BMP7: variants seen among roughly 807,000 people sequenced by gnomAD.
BMP7 encodes osteogenic protein 1.
A neutral mutation model predicts 41.2 loss-of-function variants in BMP7; 12 were observed. The observed-to-expected ratio is 0.29, with a 90% CI of 0.19 to 0.47. The LOEUF is 0.47. BMP7 is among the 20% of genes least tolerant of loss of function. The pLI is 0.99. For missense variants in BMP7, 467 were observed against 606.0 expected, an observed-to-expected ratio of 0.77 and a Z score of 2.41; for synonymous variants, 248 against 250.0, an observed-to-expected ratio of 0.99 and a Z score of 0.07.
intron 1 of BMP7, among the ~76,000 whole-genome samples, chr20:57,243,348 G>A (rs1358956496): frequency 6.6e-6 from 1 of 151,058 alleles, no homozygotes; most frequent in Non-Finnish European, 1.5e-5. Flanking sequence ...GCGTGGTGGT[G>A]CATTCCTGTT....
At chr20:57,238,832 C>A (rs916642561) in intron 1 of BMP7, among the ~76,000 whole-genome samples, 1 of 152,118 alleles carries the variant, frequency 6.6e-6, no homozygotes, top group Admixed American at 6.5e-5. Context: ...AAAGCTGAAA[C>A]CCCTGATAAA....
intron 1 of BMP7, among the ~76,000 whole-genome samples, chr20:57,240,314 G>A (rs1282346539): frequency 6.6e-6 from 1 of 152,172 alleles, no homozygotes; most frequent in Non-Finnish European, 1.5e-5. Flanking sequence ...AACATAACAA[G>A]AGTCACCTTT....
chr20:57,256,457 G>T (rs557745821), intron 1 of BMP7, among the ~76,000 whole-genome samples: 1 of 152,192 alleles, frequency 6.6e-6, no homozygotes, highest in African/African-American at 2.4e-5. Flanking sequence ...CAGTGGTATC[G>T]TCATCTCCTT....
In BMP7 at chr20:57,228,123, G is replaced by C; in HGVS notation, c.611+106C>G. The C allele has an allele frequency of 8.0e-7, 1 of 1,253,728 alleles. No homozygotes were observed. The highest frequency in any genetic ancestry group is 1.7e-5 in the Admixed American group (1 of 59,508). 77.7% of individuals were successfully genotyped at this position (1,253,728 alleles called of 1,614,324 possible). On this transcript the variant is annotated intron_variant, in intron 2 of 6. Transcript: ENST00000395863. This position sits in a 1 kb window ranked among gnomAD's most constrained non-coding sequence, Gnocchi z 4.5. ...GAAGGGATAATCTGGTACAGGGCCT[G>C]GCACGTGGTTGTGCCAATCTGACCC...
At position 57,174,571 on chromosome 20, in the gene BMP7, T is replaced by C. The variant is rs2123057501; in HGVS notation, c.1035+360A>G. ...CCCGTGGGAATGGGAATGGGGTAAA[T>C]GAAGTCAGAGGGCAGAGGGGGAGAT... On this transcript the variant is annotated intron_variant, in intron 5 of 6. Transcript: ENST00000395863. This position sits in a 1 kb window ranked among gnomAD's most constrained non-coding sequence, Gnocchi z 4.3. 6.6e-6 allele frequency among the ~76,000 whole-genome samples: 1 copy of C among 152,148 alleles called. No individual in the cohort carries two copies. Among genetic ancestry groups the C allele is most frequent in the Non-Finnish European group, 1.5e-5 (1 of 68,008 alleles).
At chr20:57,183,663 C>A in intron 4 of BMP7, 59 bp downstream of exon 4, 1 of 1,607,516 alleles carries the variant, frequency 6.2e-7, no homozygotes, top group Non-Finnish European at 8.5e-7. Context: ...CTGCCGGGTC[C>A]CGCCGGGGCC....
At chr20:57,251,322 G>A (rs113255094) in intron 1 of BMP7, among the ~76,000 whole-genome samples, 126 of 152,262 alleles carry the variant, frequency 8.3e-4, no homozygotes, top group African/African-American at 3.0e-3. Context: ...CAGAGCGGTG[G>A]GGGCTCTGCA....
chr20:57,173,073 C>T (rs1344304918), intron 6 of BMP7, 127 bp downstream of exon 6: 1 of 996,128 alleles, frequency 1.0e-6, no homozygotes, highest in Non-Finnish European at 1.6e-6. Context: ...CGCAAGGGGC[C>T]CCCAAAAGTC....
intron 2 of BMP7, chr20:57,226,015 C>T (rs2066004680): frequency 2.2e-6 from 1 of 460,632 alleles, no homozygotes; most frequent in Non-Finnish European, 4.5e-6. Context: ...GAGCAGGACC[C>T]CAGCACTAGA....
chr20:57,223,470 C>T (rs769106379), intron 2 of BMP7, among the ~76,000 whole-genome samples: 3 of 152,176 alleles, frequency 2.0e-5, no homozygotes, highest in South Asian at 2.1e-4. Flanking sequence ...ATGGACCCAT[C>T]TGAGCCCCAG....
chr20:57,182,116 A>C (rs1271460681), intron 4 of BMP7, among the ~76,000 whole-genome samples: 2 of 152,212 alleles, frequency 1.3e-5, no homozygotes, highest in Non-Finnish European at 2.9e-5. Context: ...TCACCCCTCC[A>C]GTCCACTGGA....
intron 1 of BMP7, among the ~76,000 whole-genome samples, chr20:57,236,465 G>A (rs1313026178): frequency 6.6e-6 from 1 of 152,198 alleles, no homozygotes; most frequent in African/African-American, 2.4e-5. Flanking sequence ...CAAGCTGGGA[G>A]CTGTTGAATT....
intron 3 of BMP7, among the ~76,000 whole-genome samples, chr20:57,188,337 G>T (rs1419152484): frequency 3.3e-5 from 5 of 152,180 alleles, no homozygotes; most frequent in African/African-American, 1.2e-4. Flanking sequence ...CGAAATGGAA[G>T]AAGCCAGATA....
chr20:57,253,315 A>T (rs2066121642), intron 1 of BMP7, among the ~76,000 whole-genome samples: 1 of 152,208 alleles, frequency 6.6e-6, no homozygotes, highest in Admixed American at 6.5e-5. Flanking sequence ...AAAAACTGAA[A>T]CTTGAGAAGT....
intron 2 of BMP7, among the ~76,000 whole-genome samples, chr20:57,209,118 G>A (rs1353905380): frequency 6.6e-6 from 1 of 151,528 alleles, no homozygotes; most frequent in African/African-American, 2.4e-5. Context: ...TCGGGAGTTC[G>A]AGACCAGCCT....
At chr20:57,245,298 G>A (rs142588142) in intron 1 of BMP7, among the ~76,000 whole-genome samples, 187 of 152,202 alleles carry the variant, frequency 1.2e-3, no homozygotes, top group African/African-American at 4.3e-3. Flanking sequence ...TTTCCGGTGT[G>A]GGAAGCAGGA....
At position 57,201,927 on chromosome 20, in the gene BMP7, C is replaced by T. The variant is rs547775253; in HGVS notation, c.760+548G>A. Among the ~76,000 whole-genome samples the T allele has an allele frequency of 2.6e-5, 4 of 152,316 alleles. No individual in the cohort carries two copies. In the South Asian group the frequency reaches 6.2e-4, roughly 24 times the overall value. On this transcript the variant is annotated intron_variant, in intron 3 of 6. Coordinates refer to ENST00000395863, the MANE Select transcript of BMP7 (RefSeq NM_001719.3). The stretch of plus-strand genomic sequence containing the variant: ...TCCAGGAACTGGAGAGTCAGACGCA[C>T]ATTCAGGTTCTAATGTGGAAGGGAC...
At chr20:57,173,395 CG>C in intron 5 of BMP7, 85 bp from the exon 6 acceptor site, 1 of 1,340,992 alleles carries the variant, frequency 7.5e-7, no homozygotes, top group Non-Finnish European at 1.1e-6. Context: ...GAAACCACCA[CG>C]CCAGGCTCAC....
intron 2 of BMP7, among the ~76,000 whole-genome samples, chr20:57,208,569 AC>A (rs1179201570): frequency 1.3e-5 from 2 of 152,160 alleles, no homozygotes; most frequent in Non-Finnish European, 2.9e-5. Flanking sequence ...TTACCATGTG[AC>A]CCAGTAATTC....
Sources: gnomAD v4.1 joint callset for allele counts (sites outside exome capture counted in the v4.1 genomes callset) on GRCh38, gnomAD v4.1.1 for gene constraint, Gnocchi (gnomAD v3.1) non-coding constraint, MANE v1.5 for transcripts, NCBI Gene and HGNC (gene_info 2026-07-23, HGNC 2026-07-21) for gene names.